CLTC: variants seen among roughly 807,000 people sequenced by gnomAD.
The protein encoded by CLTC is clathrin heavy chain 1.
A neutral mutation model predicts 195.8 loss-of-function variants in CLTC; 16 were observed. That is an observed-to-expected ratio of 0.08 (90% CI 0.06 to 0.12). The LOEUF is 0.12. Among genes scored for constraint, CLTC ranks in the 10% least tolerant of loss-of-function variants. CLTC has a pLI of 1.00. For synonymous variants in CLTC, 667 were observed against 689.4 expected, an observed-to-expected ratio of 0.97 and a Z score of 0.51; for missense variants, 796 against 2,027.0, an observed-to-expected ratio of 0.39 and a Z score of 11.66.
intron 5 of CLTC, among the ~76,000 whole-genome samples, chr17:59,655,190 A>G (rs1170787440): frequency 6.6e-6 from 1 of 152,142 alleles, no homozygotes; most frequent in East Asian, 1.9e-4. Context: ...AGAGAGGTAG[A>G]ACACATAGAG....
chr17:59,689,593 G>A (rs2033254416), intron 30 of CLTC: 1 of 152,164 alleles, frequency 6.6e-6, no homozygotes, highest in South Asian at 2.1e-4. Flanking sequence ...GTTTTACTTA[G>A]GTATAATGAC....
At chr17:59,631,850 G>T (rs1485719416) in intron 1 of CLTC, among the ~76,000 whole-genome samples, 1 of 151,812 alleles carries the variant, frequency 6.6e-6, no homozygotes, top group African/African-American at 2.4e-5. Flanking sequence ...TGCGCCTGTA[G>T]TCCCATCTAC....
At chr17:59,686,955 G>A in intron 30 of CLTC, 1 of 978,172 alleles carries the variant, frequency 1.0e-6, no homozygotes, top group Non-Finnish European at 1.2e-6. Context: ...TGCTCAATAT[G>A]GAATTGATTT....
chr17:59,635,872 GAGTATATAACAGT>G (rs1324185118), intron 1 of CLTC, among the ~76,000 whole-genome samples: 1 of 152,192 alleles, frequency 6.6e-6, no homozygotes, highest in African/African-American at 2.4e-5. Flanking sequence ...GGTAAGGTTT[GAGTATATAACAGT>G]AGCATGATGC....
chr17:59,655,844 C>T lies in CLTC; in HGVS notation c.796-10C>T, dbSNP rs768348713. The T allele has an allele frequency of 2.6e-6, 4 of 1,516,722 alleles. No homozygotes were observed. The highest frequency in any genetic ancestry group is 1.4e-5 in the South Asian group (1 of 73,072). The allele number at this position is 1,516,722 out of a possible 1,614,324, so 94.0% of individuals were successfully genotyped here. On this transcript the variant is annotated splice_polypyrimidine_tract_variant and intron_variant, in intron 5 of 31. Coordinates refer to ENST00000269122, the MANE Select transcript of CLTC (RefSeq NM_004859.4). ...ATTATTTTACTAAAGTGTTGATTTT[C>T]TTTCTGTAGATCAGTGAAAAGCATG...
intron 5 of CLTC, 107 bp downstream of exon 5, chr17:59,651,423 C>T (rs2032324207): frequency 2.5e-6 from 2 of 789,204 alleles, no homozygotes; most frequent in African/African-American, 1.8e-5. Context: ...TAAAAGAATA[C>T]TTTTTTAAAG....
intron 1 of CLTC, among the ~76,000 whole-genome samples, chr17:59,626,716 C>T (rs903800222): frequency 1.3e-5 from 2 of 152,222 alleles, no homozygotes; most frequent in Non-Finnish European, 2.9e-5. Flanking sequence ...GCAAAGTTTA[C>T]AGCTCTGGGT....
At chr17:59,643,732 G>A (rs1431688909) in intron 1 of CLTC, among the ~76,000 whole-genome samples, 3 of 152,138 alleles carry the variant, frequency 2.0e-5, no homozygotes, top group African/African-American at 7.2e-5. Flanking sequence ...TGCTTTAGCT[G>A]TGTAGCCTTT....
intron 16 of CLTC, among the ~76,000 whole-genome samples, chr17:59,675,329 T>A (rs1443060532): frequency 2.6e-5 from 4 of 152,202 alleles, no homozygotes; most frequent in Middle Eastern, 3.2e-3. Context: ...TAATATGGAT[T>A]TCCAATAGAA....
chr17:59,622,368 C>A (rs1408256004), intron 1 of CLTC, among the ~76,000 whole-genome samples: 9 of 152,090 alleles, frequency 5.9e-5, no homozygotes, highest in African/African-American at 1.7e-4. Flanking sequence ...ATCATTATCT[C>A]CTCCCTTTTT....
chr17:59,652,057 CCT>C (rs1175769098), intron 5 of CLTC, among the ~76,000 whole-genome samples: 3 of 152,144 alleles, frequency 2.0e-5, no homozygotes, highest in Non-Finnish European at 2.9e-5. Context: ...TCTCAAGAAA[CCT>C]CTTTTCTTTG....
chr17:59,630,150 G>A (rs2031668481), intron 1 of CLTC, among the ~76,000 whole-genome samples: 1 of 152,070 alleles, frequency 6.6e-6, no homozygotes, highest in Non-Finnish European at 1.5e-5. Flanking sequence ...ACAGGCGTGT[G>A]CCACCACACC....
chr17:59,687,132 A>G (rs2033201869), intron 30 of CLTC: 1 of 425,912 alleles, frequency 2.3e-6, no homozygotes, highest in Non-Finnish European at 3.1e-6. Context: ...TCCCCCCAAT[A>G]AATTTTCACT....
intron 1 of CLTC, among the ~76,000 whole-genome samples, chr17:59,626,523 A>G (rs1290426211): frequency 1.3e-5 from 2 of 152,160 alleles, no homozygotes; most frequent in Non-Finnish European, 2.9e-5. Context: ...GAGTTATTGT[A>G]TGTGTTGTAT....
chr17:59,641,127 AAC>A (rs1555602425), intron 1 of CLTC, among the ~76,000 whole-genome samples: 1 of 151,788 alleles, frequency 6.6e-6, no homozygotes, highest in South Asian at 2.1e-4. Flanking sequence ...CAAAAAAAAA[AAC>A]AAAAAACTTG....
At chr17:59,668,981 G>A (rs369828949) in intron 14 of CLTC, 41 bp downstream of exon 14, 10 of 1,561,682 alleles carry the variant, frequency 6.4e-6, no homozygotes, top group Middle Eastern at 1.7e-4. Context: ...TTGGATTCCA[G>A]GTTAGCAGTT....
chr17:59,626,557 G>A (rs192076397), intron 1 of CLTC, among the ~76,000 whole-genome samples: 53 of 152,302 alleles, frequency 3.5e-4, no homozygotes, highest in African/African-American at 1.2e-3. Context: ...GGGTGGTAGT[G>A]TTGAAGTGAA....
chr17:59,664,661 A>G (rs2032687469), intron 9 of CLTC, 126 bp from the exon 10 acceptor site: 2 of 1,002,804 alleles, frequency 2.0e-6, no homozygotes, highest in African/African-American at 3.3e-5. Flanking sequence ...TGGGCACCTT[A>G]AATTGAAAAT....
intron 1 of CLTC, among the ~76,000 whole-genome samples, chr17:59,633,968 G>A (rs1350281016): frequency 1.3e-5 from 2 of 152,136 alleles, no homozygotes; most frequent in African/African-American, 2.4e-5. Flanking sequence ...AAGTGCAGGG[G>A]TGCAGTCACA....
Sources: gnomAD v4.1 joint callset for allele counts (sites outside exome capture counted in the v4.1 genomes callset) on GRCh38, gnomAD v4.1.1 for gene constraint, MANE v1.5 for transcripts, NCBI Gene and HGNC (gene_info 2026-07-23, HGNC 2026-07-21) for gene names.